The following TBC1D19 variants were observed in gnomAD, a reference collection of about 807,000 sequenced individuals.
The protein encoded by TBC1D19 is TBC1 domain family member 19.
A neutral mutation model predicts 89.0 loss-of-function variants in TBC1D19; 60 were observed. The observed-to-expected ratio is 0.67, with a 90% confidence interval of 0.55 to 0.84. TBC1D19 has a LOEUF of 0.84. TBC1D19 is among the 40% of genes least tolerant of loss of function. TBC1D19 has a pLI of 0.00. For synonymous variants in TBC1D19, 189 were observed against 199.7 expected (o/e 0.95, Z 0.45); for missense variants, 500 against 610.8 (o/e 0.82, Z 1.91).
intron 7 of TBC1D19, among the ~76,000 whole-genome samples, chr4:26,653,403 G>A (rs771543730): frequency 6.6e-5 from 10 of 152,158 alleles, no homozygotes; most frequent in Admixed American, 6.5e-5. Flanking sequence ...GCAGAGCTGA[G>A]TTCAGTTCAA....
At chr4:26,761,865 G>A in the TBC1D19 span, among the ~76,000 whole-genome samples, 2 of 152,074 alleles carry the variant, frequency 1.3e-5, no homozygotes, top group Admixed American at 1.3e-4. Flanking sequence ...GGTGGCTCAC[G>A]CCTGTAATCT....
At chr4:26,650,319 A>C (rs75479931) in intron 7 of TBC1D19, among the ~76,000 whole-genome samples, 146,831 of 151,952 alleles carry the variant, frequency 0.97, 71,110 homozygotes, top group East Asian at 1. Flanking sequence ...ACTAGTTTAC[A>C]GTCCCACCAA....
the TBC1D19 span, among the ~76,000 whole-genome samples, chr4:26,782,184 T>A: frequency 6.6e-6 from 1 of 152,294 alleles, no homozygotes; most frequent in Non-Finnish European, 1.5e-5. Flanking sequence ...AACCCAAAAT[T>A]TGGTTCAGAT....
chr4:26,822,077 G>C, the TBC1D19 span, among the ~76,000 whole-genome samples: 1 of 152,182 alleles, frequency 6.6e-6, no homozygotes, highest in East Asian at 1.9e-4. Flanking sequence ...TTCTAATCAC[G>C]GAAACTTGAA....
At chr4:26,614,276 G>T (rs1741543504) in intron 2 of TBC1D19, 132 bp from the exon 3 acceptor site, 1 of 599,178 alleles carries the variant, frequency 1.7e-6, no homozygotes. Flanking sequence ...CTTTACATAG[G>T]GATTGGCAGT....
intron 12 of TBC1D19, among the ~76,000 whole-genome samples, chr4:26,686,541 A>C (rs1713827919): frequency 6.6e-6 from 1 of 152,192 alleles, no homozygotes; most frequent in Non-Finnish European, 1.5e-5. Flanking sequence ...CCTGGAGAGA[A>C]AGATTAATTA....
intron 3 of TBC1D19, among the ~76,000 whole-genome samples, chr4:26,619,424 C>T (rs2110029955): frequency 6.6e-6 from 1 of 152,208 alleles, no homozygotes; most frequent in South Asian, 2.1e-4. Context: ...CCAGGATGGT[C>T]TCGAGCTCCT....
At chr4:26,841,246 G>A in the TBC1D19 span, among the ~76,000 whole-genome samples, 1 of 152,082 alleles carries the variant, frequency 6.6e-6, no homozygotes, top group Non-Finnish European at 1.5e-5. Flanking sequence ...AATTAGCCAG[G>A]CATGGTGGCG....
At chr4:26,590,776 A>G (rs2109947452) in intron 1 of TBC1D19, among the ~76,000 whole-genome samples, 1 of 78,996 alleles carries the variant, frequency 1.3e-5, no homozygotes, top group African/African-American at 4.6e-5. Context: ...ATTAAGGTTC[A>G]CTCTTTGTCT....
chr4:26,688,561 T>C (rs1321578585), intron 13 of TBC1D19, among the ~76,000 whole-genome samples, 154 bp downstream of exon 13: 1 of 152,152 alleles, frequency 6.6e-6, no homozygotes, highest in Admixed American at 6.5e-5. Flanking sequence ...GATTACCTTT[T>C]GTTTTTACTG....
chr4:26,651,741 A>T (rs997011140), intron 7 of TBC1D19, among the ~76,000 whole-genome samples: 1 of 152,138 alleles, frequency 6.6e-6, no homozygotes, highest in African/African-American at 2.4e-5. Context: ...CAGAACTTTC[A>T]ACGCTATGTT....
At chr4:26,651,003 T>A (rs1744328163) in intron 7 of TBC1D19, among the ~76,000 whole-genome samples, 1 of 152,200 alleles carries the variant, frequency 6.6e-6, no homozygotes, top group African/African-American at 2.4e-5. Flanking sequence ...TTTTCTCAGG[T>A]TTGTCAAAGA....
chr4:26,751,633 T>C (rs1235197101), intron 19 of TBC1D19, among the ~76,000 whole-genome samples: 2 of 152,236 alleles, frequency 1.3e-5, no homozygotes, highest in Non-Finnish European at 2.9e-5. Flanking sequence ...GACTTGACTT[T>C]TAAAATTTTA....
the TBC1D19 span, among the ~76,000 whole-genome samples, chr4:26,771,282 G>GCC: frequency 6.6e-6 from 1 of 152,070 alleles, no homozygotes; most frequent in African/African-American, 2.4e-5. Context: ...ACAGTATGGA[G>GCC]GTTCCTCAAA....
rs1424350370 is a variant in TBC1D19 at position 26,749,100 on chromosome 4, CCA to C, written c.1435+577_1435+578del. ...AAACTATTTCATCTTTTTTTCAAAG[CCA>C]CAAATTTATCTTTTATTTAATAATT... On this transcript the variant is annotated intron_variant, in intron 19 of 20. Coordinates refer to ENST00000264866, the MANE Select transcript of TBC1D19 (RefSeq NM_018317.4). Among the ~76,000 whole-genome samples, 8 of 152,096 alleles carry C rather than the reference CCA, an allele frequency of 5.3e-5. No individual in the cohort carries two copies. In the East Asian group the frequency reaches 1.5e-3, roughly 29 times the overall value.
intron 13 of TBC1D19, among the ~76,000 whole-genome samples, chr4:26,712,403 C>T (rs1030509594): frequency 6.6e-6 from 1 of 151,940 alleles, no homozygotes; most frequent in Non-Finnish European, 1.5e-5. Context: ...GCTTGTGTCC[C>T]CTTCCTCTGT....
chr4:26,699,257 A>T (rs1321677604), intron 13 of TBC1D19, among the ~76,000 whole-genome samples: 1 of 152,236 alleles, frequency 6.6e-6, no homozygotes, highest in Non-Finnish European at 1.5e-5. Context: ...CAGGCACATG[A>T]AAAAATGCTC....
chr4:26,641,099 C>T (rs531767728), intron 7 of TBC1D19, among the ~76,000 whole-genome samples: 2 of 152,370 alleles, frequency 1.3e-5, no homozygotes, highest in African/African-American at 2.4e-5. Flanking sequence ...ACTGCCTCCT[C>T]AAGTGGGTCC....
chr4:26,741,045 A>G (rs925602524), intron 17 of TBC1D19: 3 of 821,434 alleles, frequency 3.7e-6, no homozygotes, highest in African/African-American at 1.9e-5. Context: ...CAGAAATATG[A>G]CCAATAATTA....
Sources: gnomAD v4.1 joint callset for allele counts (sites outside exome capture counted in the v4.1 genomes callset) on GRCh38, gnomAD v4.1.1 for gene constraint, MANE v1.5 for transcripts, NCBI Gene and HGNC (gene_info 2026-07-23, HGNC 2026-07-21) for gene names.